HAUS7: variants seen among roughly 807,000 people sequenced by gnomAD.
HAUS7 encodes the protein HAUS augmin-like complex subunit 7.
In HAUS7, 3 loss-of-function variants were observed where a neutral mutation model predicts 28.4. The observed-to-expected ratio is 0.11, with a 90% CI of 0.05 to 0.27. The LOEUF (loss-of-function observed/expected upper bound fraction) is 0.27. Among genes scored for constraint, HAUS7 ranks in the 10% least tolerant of loss-of-function variants. The probability of loss-of-function intolerance (pLI) is 1.00; values close to 1 mark genes in which losing one functional copy is unlikely to be tolerated. For synonymous variants in HAUS7, 165 were observed against 132.1 expected (o/e 1.25, Z -1.71); for missense variants, 284 against 297.3 (o/e 0.96, Z 0.33).
chrX:153,480,370 A>T (rs1439154773), intron 1 of HAUS7, among the ~76,000 whole-genome samples: 1 of 104,873 alleles, frequency 9.5e-6, no homozygotes, highest in Non-Finnish European at 2.0e-5. Flanking sequence ...AAGTTCTGAG[A>T]GGTACTCTGG....
chrX:153,455,502 G>A (rs782221393), intron 8 of HAUS7, 40 bp downstream of exon 8: 1 of 878,432 alleles, frequency 1.1e-6, no homozygotes, highest in Non-Finnish European at 1.7e-6. Context: ...GAGTGAACAG[G>A]GGAGGGGGCG....
chrX:153,475,035 T>C (rs1556986019), upstream of HAUS7, among the ~76,000 whole-genome samples: 1 of 112,201 alleles, frequency 8.9e-6, no homozygotes, highest in Non-Finnish European at 1.9e-5. Context: ...CCTCGCCTTC[T>C]TGCTTTGCCC....
At chrX:153,481,042 G>A in intron 1 of HAUS7, 1 of 743,667 alleles carries the variant, frequency 1.3e-6, no homozygotes, top group Non-Finnish European at 1.6e-6. Context: ...TTCAGGTGGG[G>A]CCTGGGGCCT....
intron 9 of HAUS7, among the ~76,000 whole-genome samples, chrX:153,453,001 A>G (rs1408300944): frequency 3.6e-5 from 4 of 112,369 alleles, no homozygotes; most frequent in African/African-American, 9.7e-5. Context: ...ACGTTCACAC[A>G]AAAGACTTAC....
intron 9 of HAUS7, among the ~76,000 whole-genome samples, chrX:153,451,671 G>A (rs782675528): frequency 8.9e-6 from 1 of 112,547 alleles, no homozygotes; most frequent in East Asian, 2.8e-4. Flanking sequence ...TGCTGCCTGA[G>A]GCAGTGCATA....
At chrX:153,457,442 A>C (rs1462346073) in intron 4 of HAUS7, among the ~76,000 whole-genome samples, 1 of 113,216 alleles carries the variant, frequency 8.8e-6, no homozygotes, top group Non-Finnish European at 1.9e-5. Flanking sequence ...TGATGCTGGG[A>C]CCACACGCCA....
At chrX:153,479,424 G>A (rs2089584058) in intron 1 of HAUS7, 1 of 739,432 alleles carries the variant, frequency 1.4e-6, no homozygotes, top group South Asian at 6.9e-5. Context: ...GACTGCCGCA[G>A]GCTGTCCACC....
chrX:153,493,229 G>T (rs1324521285), intron 1 of HAUS7, among the ~76,000 whole-genome samples: 1 of 112,221 alleles, frequency 8.9e-6, no homozygotes, highest in African/African-American at 3.2e-5. Context: ...CCCCACAGAT[G>T]AGCCTAGTGT....
At chrX:153,470,653 G>C, upstream of HAUS7, 2 of 1,101,003 alleles carry the variant, frequency 1.8e-6, no homozygotes, top group East Asian at 6.6e-5. Flanking sequence ...CCACCCGCCT[G>C]CGCCCACCCC....
intron 1 of HAUS7, among the ~76,000 whole-genome samples, chrX:153,483,711 C>A (rs1221554236): frequency 2.7e-5 from 3 of 111,784 alleles, no homozygotes; most frequent in African/African-American, 9.8e-5. Context: ...ATATTGCTTG[C>A]AAGCTTGCAA....
At chrX:153,489,878 G>T (rs1556989288) in intron 1 of HAUS7, among the ~76,000 whole-genome samples, 1 of 112,251 alleles carries the variant, frequency 8.9e-6, no homozygotes, top group Non-Finnish European at 1.9e-5. Context: ...CCGTTCACAA[G>T]CATCTCGCCT....
At chrX:153,481,001 C>A in intron 1 of HAUS7, 1 of 754,950 alleles carries the variant, frequency 1.3e-6, no homozygotes, top group Non-Finnish European at 1.6e-6. Flanking sequence ...GGAGGCCCCC[C>A]AAAGGTGAGA....
intron 1 of HAUS7, chrX:153,486,754 C>T (rs1478247088): frequency 3.5e-5 from 34 of 981,265 alleles, no homozygotes; most frequent in Non-Finnish European, 4.2e-5. Flanking sequence ...CTCCTGCACC[C>T]GAGCCTATCA....
chrX:153,461,250 G>T (rs2089385995), intron 4 of HAUS7, among the ~76,000 whole-genome samples: 1 of 112,302 alleles, frequency 8.9e-6, no homozygotes. Flanking sequence ...AATGTCGAGA[G>T]AACTACTTGG....
At chrX:153,467,260 G>A (rs782190054) in intron 2 of HAUS7, among the ~76,000 whole-genome samples, 4 of 112,022 alleles carry the variant, frequency 3.6e-5, no homozygotes, top group African/African-American at 6.5e-5. Flanking sequence ...GCCACTCAGC[G>A]CAGGGCTCCT....
rs187474458 is a variant in HAUS7, at chrX:153,454,745, A to G, written c.931-237T>C. The G allele has an allele frequency of 1.8e-3, 925 of 521,077 alleles. 5 individuals are homozygous for G. In the African/African-American group the frequency reaches 0.019, roughly 11 times the overall value. The allele number at this position is 521,077 out of a possible 1,213,427, so 42.9% of individuals were successfully genotyped here. A position where few individuals can be genotyped will look rare whatever the true frequency, so the allele number is the denominator to read the frequency against. On this transcript the variant is annotated intron_variant, in intron 8 of 9. Transcript: ENST00000370211. ...GGCCCAGTGGGGATGCCACACTCTC[A>G]TGTCGCTCTGGCAACCCTCGATGCC...
At chrX:153,488,739 C>A (rs1484181568) in intron 1 of HAUS7, among the ~76,000 whole-genome samples, 1 of 112,915 alleles carries the variant, frequency 8.9e-6, no homozygotes, top group Non-Finnish European at 1.9e-5. Context: ...CAGCCCCCAC[C>A]TTCTCGCAGT....
At chrX:153,478,929 C>T (rs2089580183) in intron 1 of HAUS7, among the ~76,000 whole-genome samples, 1 of 112,554 alleles carries the variant, frequency 8.9e-6, no homozygotes, top group African/African-American at 3.2e-5. Context: ...ACAGAAGCCC[C>T]ATTCATGGAG....
intron 1 of HAUS7, chrX:153,481,974 G>A (rs911345217): frequency 2.5e-4 from 162 of 646,818 alleles, no homozygotes; most frequent in Middle Eastern, 4.5e-4. Context: ...GCTGGGGCTG[G>A]GGCTGGCAGG....
Sources: gnomAD v4.1 joint callset for allele counts (sites outside exome capture counted in the v4.1 genomes callset) on GRCh38, gnomAD v4.1.1 for gene constraint, MANE v1.5 for transcripts, NCBI Gene and HGNC (gene_info 2026-07-23, HGNC 2026-07-21) for gene names.